LRP12: variants seen among roughly 807,000 people sequenced by gnomAD.
LRP12 encodes the protein low-density lipoprotein receptor-related protein 12.
Under a neutral mutation model 66.0 loss-of-function variants are expected in LRP12, and 14 were observed. That is an observed-to-expected ratio of 0.21 (90% CI 0.14 to 0.33). The LOEUF is 0.33. Ranked by LOEUF, LRP12 falls within the 10% of genes least tolerant of loss-of-function variation. The probability of loss-of-function intolerance (pLI) is 1.00; values close to 1 mark genes in which losing one functional copy is unlikely to be tolerated. For missense variants in LRP12, 889 were observed against 1,053.4 expected (o/e 0.84, Z 2.16); for synonymous variants, 357 against 359.1 (o/e 0.99, Z 0.07).
chr8:104,500,911 A>G (rs952695708), intron 3 of LRP12, among the ~76,000 whole-genome samples: 7 of 152,216 alleles, frequency 4.6e-5, no homozygotes, highest in African/African-American at 1.7e-4. Flanking sequence ...CCAAAGTACC[A>G]TATACCCCAC....
intron 1 of LRP12, among the ~76,000 whole-genome samples, chr8:104,558,880 G>A (rs1233666029): frequency 1.3e-5 from 2 of 152,092 alleles, no homozygotes; most frequent in African/African-American, 4.8e-5. Context: ...AATGATCAGG[G>A]AAATGCAAAT....
At chr8:104,506,441 T>C (rs1284601019) in intron 3 of LRP12, 2 of 151,826 alleles carry the variant, frequency 1.3e-5, no homozygotes. Flanking sequence ...TGGAAGTTTT[T>C]TGGTTTTCTC....
intron 1 of LRP12, among the ~76,000 whole-genome samples, chr8:104,539,655 A>G (rs1402877403): frequency 1.3e-5 from 2 of 152,138 alleles, no homozygotes; most frequent in East Asian, 3.8e-4. Context: ...TTAATCTAGT[A>G]TCACATATAC....
At chr8:104,583,358 C>A (rs1199624771) in intron 1 of LRP12, among the ~76,000 whole-genome samples, 2 of 152,066 alleles carry the variant, frequency 1.3e-5, no homozygotes, top group Non-Finnish European at 1.5e-5. Context: ...TGCAACATAC[C>A]AGCTCTTTCC....
intron 1 of LRP12, among the ~76,000 whole-genome samples, chr8:104,535,601 T>A (rs1243154574): frequency 6.6e-6 from 1 of 152,014 alleles, no homozygotes; most frequent in Non-Finnish European, 1.5e-5. Flanking sequence ...AAATCCTAAG[T>A]GCCTTACAAG....
chr8:104,554,224 A>AC (rs1435650375), intron 1 of LRP12, among the ~76,000 whole-genome samples: 2 of 152,120 alleles, frequency 1.3e-5, no homozygotes, highest in Non-Finnish European at 2.9e-5. Flanking sequence ...GTTCTTTAAC[A>AC]CCCCCAAAAG....
chr8:104,558,231 CAG>C (rs763853531), intron 1 of LRP12, among the ~76,000 whole-genome samples: 13 of 150,250 alleles, frequency 8.7e-5, no homozygotes, highest in Non-Finnish European at 1.8e-4. Flanking sequence ...CAAAAAAAAA[CAG>C]AAACAAACAA....
intron 1 of LRP12, among the ~76,000 whole-genome samples, chr8:104,545,490 T>C (rs540949255): frequency 3.9e-5 from 6 of 152,300 alleles, no homozygotes; most frequent in East Asian, 3.9e-4. Flanking sequence ...ACAAACTTCA[T>C]TGCTGTCTTA....
At chr8:104,587,476 C>G (rs1343069404) in intron 1 of LRP12, among the ~76,000 whole-genome samples, 1 of 152,080 alleles carries the variant, frequency 6.6e-6, no homozygotes, top group Non-Finnish European at 1.5e-5. Flanking sequence ...TGGCAATTAC[C>G]CCTACATAAA....
intron 4 of LRP12, among the ~76,000 whole-genome samples, chr8:104,498,561 G>A (rs1431646239): frequency 1.3e-5 from 2 of 152,054 alleles, no homozygotes; most frequent in Non-Finnish European, 2.9e-5. Context: ...ACATGATCTC[G>A]CTCCTTTTTA....
intron 2 of LRP12, among the ~76,000 whole-genome samples, chr8:104,520,176 A>G (rs1196223199): frequency 6.6e-6 from 1 of 152,076 alleles, no homozygotes; most frequent in Non-Finnish European, 1.5e-5. Flanking sequence ...CTTAGTAAGA[A>G]TAATTTAGGA....
At chr8:104,505,857 G>T (rs1391441303) in intron 3 of LRP12, 1 of 152,084 alleles carries the variant, frequency 6.6e-6, no homozygotes, top group Non-Finnish European at 1.5e-5. Flanking sequence ...AATATTCGGT[G>T]TTTCTCCTGT....
At chr8:104,548,553 T>C (rs1811670729) in intron 1 of LRP12, among the ~76,000 whole-genome samples, 1 of 128,136 alleles carries the variant, frequency 7.8e-6, no homozygotes, top group Non-Finnish European at 1.6e-5. Context: ...ATATTTTGTA[T>C]ATGATATAGA....
chr8:104,547,754 AAT>A (rs991125251), intron 1 of LRP12, among the ~76,000 whole-genome samples: 153 of 126,600 alleles, frequency 1.2e-3, no homozygotes, highest in Non-Finnish European at 2.1e-3. Flanking sequence ...AATCATATAT[AAT>A]ATATAATTCT....
At chr8:104,522,366 G>A (rs115804307) in intron 2 of LRP12, among the ~76,000 whole-genome samples, 3 of 152,198 alleles carry the variant, frequency 2.0e-5, no homozygotes, top group African/African-American at 2.4e-5. Flanking sequence ...AAAGGGTGAT[G>A]ATTTTGATAG....
chr8:104,502,675 T>C (rs1286982159), intron 3 of LRP12, among the ~76,000 whole-genome samples: 1 of 152,190 alleles, frequency 6.6e-6, no homozygotes, highest in African/African-American at 2.4e-5. Context: ...CTCCAGTTTT[T>C]GCCAGTTTTT....
chr8:104,514,197 C>T (rs1307224521), intron 2 of LRP12, among the ~76,000 whole-genome samples: 1 of 152,106 alleles, frequency 6.6e-6, no homozygotes, highest in Admixed American at 6.5e-5. Flanking sequence ...TCTGCCCCAA[C>T]CTTCCAAAGG....
chr8:104,546,512 T>C (rs1323912853), intron 1 of LRP12, among the ~76,000 whole-genome samples: 5 of 152,136 alleles, frequency 3.3e-5, no homozygotes, highest in Admixed American at 2.0e-4. Context: ...CTTCTAAAGT[T>C]GTAAGAATAG....
At chr8:104,581,855 C>T (rs967409118) in intron 1 of LRP12, among the ~76,000 whole-genome samples, 3 of 152,146 alleles carry the variant, frequency 2.0e-5, no homozygotes, top group Non-Finnish European at 2.9e-5. Flanking sequence ...ACCTACCTCA[C>T]ACAATGATTT....
Sources: allele counts gnomAD v4.1 joint callset (sites outside exome capture counted in the v4.1 genomes callset), GRCh38; gene constraint gnomAD v4.1.1; transcripts MANE v1.5; gene names NCBI Gene and HGNC (gene_info 2026-07-23, HGNC 2026-07-21).